Variants in EIF3A observed in about 807,000 individuals in gnomAD.
The protein encoded by EIF3A is eukaryotic translation initiation factor 3 subunit A, also known as EIF3, p180 subunit.
Under a neutral mutation model 186.6 loss-of-function variants are expected in EIF3A, and 21 were observed. That is an observed-to-expected ratio of 0.11 (90% CI 0.08 to 0.16). The LOEUF (loss-of-function observed/expected upper bound fraction) is 0.16, where lower values mean the gene tolerates loss of function less well. EIF3A is among the 10% of genes least tolerant of loss of function. EIF3A has a pLI of 1.00. For missense variants in EIF3A, 1,306 were observed against 1,796.3 expected (o/e 0.73, Z 4.93); for synonymous variants, 563 against 584.3 (o/e 0.96, Z 0.52).
At chr10:119,045,785 G>A (rs1249615925) in intron 17 of EIF3A, among the ~76,000 whole-genome samples, 2 of 152,044 alleles carry the variant, frequency 1.3e-5, no homozygotes, top group Admixed American at 1.3e-4. Context: ...CTGGTCTCAA[G>A]CTCCCAGGCT....
At position 119,061,299 on chromosome 10, in the gene EIF3A, G is replaced by A; in HGVS notation, c.1152C>T (p.Val384=). The A allele has an allele frequency of 6.3e-7, 1 of 1,586,112 alleles. No homozygotes were observed. Among genetic ancestry groups the A allele is most frequent in the Non-Finnish European group, 8.6e-7 (1 of 1,160,606 alleles). Residue 384 remains valine, a synonymous_variant, in exon 8 of 22, where the codon GTC becomes GTT. Coordinates refer to ENST00000369144, the MANE Select transcript of EIF3A (RefSeq NM_003750.4). ...AATTGTAAAGGTCTTTCACTTCTGG[G>A]ACAACATATTGTAGTACATTAAATC... The part of the protein sequence containing the change: ...MVRFNVLQYV[V]PEVKDLYNWL...
At chr10:119,054,522 C>T (rs561767761) in intron 14 of EIF3A, among the ~76,000 whole-genome samples, 1 of 149,978 alleles carries the variant, frequency 6.7e-6, no homozygotes, top group South Asian at 2.1e-4. Context: ...TGAGACCAGC[C>T]TGACCAACAT....
chr10:119,041,466 G>A (rs1848208715), intron 19 of EIF3A, among the ~76,000 whole-genome samples: 1 of 152,122 alleles, frequency 6.6e-6, no homozygotes. Flanking sequence ...TAGCTACTCA[G>A]AAGGCTGAAG....
chr10:119,059,127 T>A, intron 11 of EIF3A, 85 bp downstream of exon 11: 1 of 1,064,962 alleles, frequency 9.4e-7, no homozygotes, highest in Non-Finnish European at 1.4e-6. Context: ...TCAGATATTG[T>A]CTCAAACCTT....
intron 6 of EIF3A, among the ~76,000 whole-genome samples, chr10:119,068,301 A>G (rs1033468143): frequency 1.3e-5 from 2 of 152,208 alleles, no homozygotes; most frequent in African/African-American, 2.4e-5. Context: ...TTTTATATTC[A>G]TATGTATTTA....
chr10:119,054,526 C>T (rs1023917014), intron 14 of EIF3A, among the ~76,000 whole-genome samples: 1 of 148,804 alleles, frequency 6.7e-6, no homozygotes, highest in African/African-American at 2.5e-5. Context: ...ACCAGCCTGA[C>T]CAACATAGAG....
intron 6 of EIF3A, among the ~76,000 whole-genome samples, chr10:119,066,031 G>A (rs1254464882): frequency 1.3e-5 from 2 of 150,568 alleles, no homozygotes; most frequent in African/African-American, 2.4e-5. Context: ...CAGGAGAATC[G>A]CATGAACCCG....
At chr10:119,059,015 G>GT (rs1351567170) in intron 11 of EIF3A, among the ~76,000 whole-genome samples, 197 bp downstream of exon 11, 1 of 152,228 alleles carries the variant, frequency 6.6e-6, no homozygotes, top group Non-Finnish European at 1.5e-5. Context: ...ACACAGAGTA[G>GT]TATTTTGTTC....
chr10:119,045,036 C>T (rs1293466869), intron 17 of EIF3A, among the ~76,000 whole-genome samples: 1 of 151,234 alleles, frequency 6.6e-6, no homozygotes, highest in Non-Finnish European at 1.5e-5. Context: ...CCTCTGCCAC[C>T]CACATTCAAG....
At chr10:119,074,404 G>A (rs925136628) in intron 1 of EIF3A, among the ~76,000 whole-genome samples, 6 of 152,150 alleles carry the variant, frequency 3.9e-5, no homozygotes, top group African/African-American at 1.4e-4. Flanking sequence ...GGCGGAGGTT[G>A]CAGTGAGCCG....
At chr10:119,047,792 G>C (rs373662985) in intron 17 of EIF3A, among the ~76,000 whole-genome samples, 3 of 152,308 alleles carry the variant, frequency 2.0e-5, no homozygotes, top group South Asian at 4.1e-4. Flanking sequence ...CAAATTAGCA[G>C]TAAGAATAAC....
intron 18 of EIF3A, among the ~76,000 whole-genome samples, chr10:119,043,668 C>T (rs1255799938): frequency 1.3e-5 from 2 of 152,022 alleles, no homozygotes; most frequent in Admixed American, 6.6e-5. Context: ...GCCTGTCATC[C>T]CAGCAATTTG....
chr10:119,044,456 T>C (rs1297604202), intron 17 of EIF3A, among the ~76,000 whole-genome samples: 1 of 152,194 alleles, frequency 6.6e-6, no homozygotes, highest in African/African-American at 2.4e-5. Flanking sequence ...CCACATGCCC[T>C]GAAATGGACA....
At chr10:119,043,604 A>G (rs1436264339) in intron 18 of EIF3A, among the ~76,000 whole-genome samples, 1 of 151,814 alleles carries the variant, frequency 6.6e-6, no homozygotes, top group Non-Finnish European at 1.5e-5. Flanking sequence ...CGCCATCTCA[A>G]AACAACAACA....
At position 119,069,515 on chromosome 10, in the gene EIF3A, G is replaced by T; in HGVS notation, c.881C>A (p.Ser294Tyr). The change falls in exon 6 of 22, where the codon TCT (serine) becomes TAT (tyrosine). Residue 294 changes from serine to tyrosine, a missense_variant. Ser to Tyr is a moderately radical substitution (Grantham distance 144). Coordinates refer to ENST00000369144, the MANE Select transcript of EIF3A (RefSeq NM_003750.4). Reference sequence around the variant, plus strand: ...GAGATGGTAAAGACGATGGAGTGTAGATGCATGAAAAAGAGCATTTCCAGA... The same window carrying T: ...GAGATGGTAAAGACGATGGAGTGTATATGCATGAAAAAGAGCATTTCCAGA... ...WKSGNALFHA[S>Y]TLHRLYHLSR... 6.3e-7 allele frequency: 1 copy of T among 1,590,508 alleles called. No individual in the cohort carries two copies. Among genetic ancestry groups the T allele is most frequent in the Non-Finnish European group, 8.6e-7 (1 of 1,158,392 alleles).
intron 17 of EIF3A, 123 bp from the exon 18 acceptor site, chr10:119,044,265 T>C: frequency 1.5e-6 from 1 of 688,782 alleles, no homozygotes; most frequent in Non-Finnish European, 2.5e-6. Context: ...TAAGCAAGTT[T>C]TAAAATTTCA....
At chr10:119,077,169 G>A (rs553801949) in intron 1 of EIF3A, among the ~76,000 whole-genome samples, 2 of 152,068 alleles carry the variant, frequency 1.3e-5, no homozygotes, top group Admixed American at 6.6e-5. Context: ...CAGCCAATTA[G>A]AAGTTGATTC....
At chr10:119,068,314 T>A (rs1844012664) in intron 6 of EIF3A, among the ~76,000 whole-genome samples, 1 of 152,222 alleles carries the variant, frequency 6.6e-6, no homozygotes, top group Non-Finnish European at 1.5e-5. Context: ...TGTATTTATA[T>A]GAGAATAAAC....
At chr10:119,037,990 C>A (rs1010477990) in intron 20 of EIF3A, among the ~76,000 whole-genome samples, 1 of 140,760 alleles carries the variant, frequency 7.1e-6, no homozygotes, top group Non-Finnish European at 1.5e-5. Flanking sequence ...TATCTCGGCT[C>A]ACCACAACCT....
Sources: gnomAD v4.1 joint callset for allele counts (sites outside exome capture counted in the v4.1 genomes callset) on GRCh38, gnomAD v4.1.1 for gene constraint, MANE v1.5 for transcripts, NCBI Gene and HGNC (gene_info 2026-07-23, HGNC 2026-07-21) for gene names.